Variants in CACNA2D3 observed in about 807,000 individuals in gnomAD.
CACNA2D3 encodes the protein voltage-dependent calcium channel subunit alpha-2/delta-3.
CACNA2D3 carries 60 observed loss-of-function variants against 160.6 expected under a neutral mutation model. That is an observed-to-expected ratio of 0.37 (90% CI 0.30 to 0.46). The LOEUF (loss-of-function observed/expected upper bound fraction) is 0.46. Among genes scored for constraint, CACNA2D3 ranks in the 20% least tolerant of loss-of-function variants. The pLI is 1.00. For missense variants in CACNA2D3, 1,205 were observed against 1,365.0 expected, an observed-to-expected ratio of 0.88 and a Z score of 1.85; for synonymous variants, 558 against 492.9, an observed-to-expected ratio of 1.13 and a Z score of -1.75.
intron 2 of CACNA2D3, among the ~76,000 whole-genome samples, chr3:54,180,404 C>T (rs368681718): frequency 6.6e-5 from 10 of 152,252 alleles, no homozygotes; most frequent in East Asian, 1.9e-4. Flanking sequence ...AAAGATCTGT[C>T]GACCGAGTGA....
At chr3:54,346,631 T>C (rs1698463125) in intron 3 of CACNA2D3, among the ~76,000 whole-genome samples, 1 of 152,208 alleles carries the variant, frequency 6.6e-6, no homozygotes, top group African/African-American at 2.4e-5. Context: ...CTCGCATTAT[T>C]AACATCTTGT....
chr3:55,063,535 A>G (rs1704564129), intron 35 of CACNA2D3, among the ~76,000 whole-genome samples: 2 of 152,198 alleles, frequency 1.3e-5, no homozygotes, highest in African/African-American at 4.8e-5. Context: ...CAAGGTAAGA[A>G]TTAGAGCTCC....
chr3:54,319,889 T>C (rs976066564), intron 2 of CACNA2D3, among the ~76,000 whole-genome samples: 3 of 152,218 alleles, frequency 2.0e-5, no homozygotes, highest in Non-Finnish European at 2.9e-5. Context: ...CAAATCTCTT[T>C]AATATTTGAT....
At chr3:54,299,251 A>G (rs796953830) in intron 2 of CACNA2D3, among the ~76,000 whole-genome samples, 9 of 151,718 alleles carry the variant, frequency 5.9e-5, no homozygotes, top group African/African-American at 2.2e-4. Flanking sequence ...TAACTGAAAC[A>G]TAGCAGAGGC....
chr3:55,033,716 TTA>T (rs1428305620), intron 35 of CACNA2D3, among the ~76,000 whole-genome samples: 11 of 127,894 alleles, frequency 8.6e-5, no homozygotes, highest in African/African-American at 2.9e-4. Context: ...ATAATATATA[TTA>T]TATATTAAAT....
At chr3:54,290,566 C>T (rs1194942907) in intron 2 of CACNA2D3, among the ~76,000 whole-genome samples, 2 of 150,896 alleles carry the variant, frequency 1.3e-5, no homozygotes, top group Non-Finnish European at 2.9e-5. Flanking sequence ...TGGGTATATA[C>T]CCAAAGGACT....
chr3:54,726,956 CTA>C (rs760632336), intron 11 of CACNA2D3, among the ~76,000 whole-genome samples: 19 of 152,160 alleles, frequency 1.2e-4, no homozygotes, highest in Non-Finnish European at 2.5e-4. Context: ...GCAAAAGAAA[CTA>C]TCGTCAGAGT....
intron 4 of CACNA2D3, among the ~76,000 whole-genome samples, chr3:54,459,015 A>G (rs1268991197): frequency 6.6e-6 from 1 of 152,066 alleles, no homozygotes; most frequent in East Asian, 1.9e-4. Flanking sequence ...GAGTGAGAAC[A>G]TGCGGTGTTT....
intron 4 of CACNA2D3, among the ~76,000 whole-genome samples, chr3:54,484,390 CT>C (rs1307319840): frequency 2.6e-5 from 4 of 152,036 alleles, no homozygotes; most frequent in Non-Finnish European, 5.9e-5. Flanking sequence ...GAGTTATCAC[CT>C]TTTTTTTCCT....
chr3:54,684,244 G>A (rs908660671), intron 11 of CACNA2D3, among the ~76,000 whole-genome samples: 3 of 152,088 alleles, frequency 2.0e-5, no homozygotes, highest in African/African-American at 7.2e-5. Context: ...ACAGCTGTAA[G>A]CCACCACGCC....
At chr3:54,425,584 C>A (rs1347205676) in intron 4 of CACNA2D3, among the ~76,000 whole-genome samples, 1 of 152,234 alleles carries the variant, frequency 6.6e-6, no homozygotes, top group Admixed American at 6.5e-5. Context: ...AGCTCTACCC[C>A]ACCTGAACAC....
intron 13 of CACNA2D3, among the ~76,000 whole-genome samples, chr3:54,779,949 C>G (rs755055192): frequency 7.9e-5 from 12 of 152,156 alleles, no homozygotes; most frequent in Admixed American, 5.9e-4. Context: ...GATACTGTGC[C>G]TAGCACAGAG....
chr3:54,731,786 G>C (rs776433499), intron 11 of CACNA2D3, among the ~76,000 whole-genome samples: 10 of 152,040 alleles, frequency 6.6e-5, no homozygotes, highest in Non-Finnish European at 1.3e-4. Flanking sequence ...TTTTAAATGA[G>C]GCATGACTGT....
At chr3:54,742,690 A>G (rs1040461631) in intron 11 of CACNA2D3, among the ~76,000 whole-genome samples, 1 of 152,228 alleles carries the variant, frequency 6.6e-6, no homozygotes, top group Admixed American at 6.5e-5. Flanking sequence ...TTTAAGATGC[A>G]GTCTTTTCCC....
At chr3:54,531,470 C>CGTAT (rs1425534965) in intron 5 of CACNA2D3, among the ~76,000 whole-genome samples, 14 of 152,344 alleles carry the variant, frequency 9.2e-5, no homozygotes, top group African/African-American at 3.4e-4. Flanking sequence ...TGCCTCTATA[C>CGTAT]CCTCAGAAGA....
chr3:55,022,308 A>G (rs957798460), intron 35 of CACNA2D3, among the ~76,000 whole-genome samples: 20 of 152,004 alleles, frequency 1.3e-4, no homozygotes, highest in African/African-American at 4.8e-4. Context: ...AATACTTGCT[A>G]GCCATATTTT....
At chr3:54,821,709 C>CTTCCTTCCTTCT (rs1703604995) in intron 14 of CACNA2D3, among the ~76,000 whole-genome samples, 1 of 121,016 alleles carries the variant, frequency 8.3e-6, no homozygotes, top group Non-Finnish European at 1.8e-5. Context: ...TCCTTCCTTC[C>CTTCCTTCCTTCT]TTCTTTCCTC....
chr3:54,140,380 A>T (rs967754102), intron 2 of CACNA2D3, among the ~76,000 whole-genome samples: 2 of 152,226 alleles, frequency 1.3e-5, no homozygotes, highest in African/African-American at 4.8e-5. Context: ...GCTCAGCAAA[A>T]TACCAGGCGT....
chr3:54,876,501 A>T (rs1048866115), intron 18 of CACNA2D3, among the ~76,000 whole-genome samples: 9 of 152,230 alleles, frequency 5.9e-5, no homozygotes, highest in Middle Eastern at 3.2e-3. Context: ...AGGACCTCAG[A>T]CTATGACGTG....
Sources: allele counts gnomAD v4.1 joint callset (sites outside exome capture counted in the v4.1 genomes callset), GRCh38; gene constraint gnomAD v4.1.1; transcripts MANE v1.5; gene names NCBI Gene and HGNC (gene_info 2026-07-23, HGNC 2026-07-21).